Variants in WWOX observed in about 807,000 individuals in gnomAD.
WWOX encodes the protein WW domain containing oxidoreductase, also known as WW domain-containing oxidoreductase.
Under a neutral mutation model 46.2 loss-of-function variants are expected in WWOX, and 69 were observed. That is an observed-to-expected ratio of 1.49 (90% CI 1.23 to 1.82). The LOEUF (loss-of-function observed/expected upper bound fraction) is 1.82, where lower values mean the gene tolerates loss of function less well. WWOX is among the 40% of genes most tolerant of loss of function. The probability of loss-of-function intolerance (pLI) is 0.00; values close to 1 mark genes in which losing one functional copy is unlikely to be tolerated. For missense variants in WWOX, 919 were observed against 542.6 expected (o/e 1.69, Z -6.89); for synonymous variants, 359 against 202.6 (o/e 1.77, Z -6.56).
intron 8 of WWOX, among the ~76,000 whole-genome samples, chr16:78,788,465 T>C (rs2050511502): frequency 6.6e-6 from 1 of 152,258 alleles, no homozygotes; most frequent in East Asian, 1.9e-4. Flanking sequence ...CCTTATGCCC[T>C]GGGGAAAGGA....
At chr16:78,489,757 G>A (rs995463119) in intron 8 of WWOX, among the ~76,000 whole-genome samples, 1 of 152,120 alleles carries the variant, frequency 6.6e-6, no homozygotes, top group African/African-American at 2.4e-5. Flanking sequence ...CTCAAGGGGA[G>A]TTTGGAAACC....
chr16:78,819,260 G>C (rs545661592), intron 8 of WWOX, among the ~76,000 whole-genome samples: 9 of 152,254 alleles, frequency 5.9e-5, no homozygotes, highest in East Asian at 1.9e-4. Context: ...CAGCAGGTGG[G>C]ACTTGATTCT....
At chr16:78,747,143 G>A (rs1047653468) in intron 8 of WWOX, among the ~76,000 whole-genome samples, 15 of 150,150 alleles carry the variant, frequency 1.0e-4, no homozygotes, top group African/African-American at 2.4e-4. Context: ...TTTTGTACAT[G>A]TTGTTTCTTT....
At chr16:79,061,365 C>G (rs1161489754) in intron 8 of WWOX, among the ~76,000 whole-genome samples, 29 of 152,150 alleles carry the variant, frequency 1.9e-4, no homozygotes, top group Admixed American at 1.8e-3. Context: ...AAGGGCTTGG[C>G]AAACCAAGAA....
In WWOX at chr16:78,339,663, C is replaced by G. The variant is rs73576477; in HGVS notation, c.517-47197C>G. 9.2e-5 allele frequency among the ~76,000 whole-genome samples: 11 copies of G among 119,334 alleles called. 3 individuals carry two copies. Among genetic ancestry groups the G allele is most frequent in the African/African-American group, 3.1e-4 (11 of 35,336 alleles). 78.3% of individuals were successfully genotyped at this position (119,334 alleles called of 152,430 possible). ...GTGTATTTCAGGTTTCAAAATGTTT[C>G]TGTTCCATCCTCATTTTATTCATTG... is the stretch of plus-strand genomic sequence containing the variant. On this transcript the variant is annotated intron_variant, in intron 5 of 8. Transcript: ENST00000566780.
At chr16:78,516,248 C>G (rs1043327158) in intron 8 of WWOX, among the ~76,000 whole-genome samples, 3 of 152,086 alleles carry the variant, frequency 2.0e-5, no homozygotes, top group Non-Finnish European at 2.9e-5. Context: ...ACATCTATGC[C>G]AAATGCAGGG....
intron 8 of WWOX, among the ~76,000 whole-genome samples, chr16:78,760,294 T>C (rs976313190): frequency 8.5e-5 from 13 of 152,146 alleles, no homozygotes; most frequent in African/African-American, 2.9e-4. Flanking sequence ...GATTCAATTA[T>C]CTCCCACCAG....
intron 8 of WWOX, among the ~76,000 whole-genome samples, chr16:78,683,842 A>C (rs145396112): frequency 6.6e-6 from 1 of 152,178 alleles, no homozygotes; most frequent in Non-Finnish European, 1.5e-5. Context: ...TGAGTGTTTA[A>C]TTCGGCGTCT....
intron 7 of WWOX, among the ~76,000 whole-genome samples, chr16:78,426,185 C>T (rs1463450123): frequency 6.6e-6 from 1 of 152,146 alleles, no homozygotes; most frequent in Non-Finnish European, 1.5e-5. Flanking sequence ...TCTGGACAGC[C>T]TTATCTTTGC....
At chr16:78,556,801 C>A (rs1270934100) in intron 8 of WWOX, among the ~76,000 whole-genome samples, 1 of 151,958 alleles carries the variant, frequency 6.6e-6, no homozygotes, top group Non-Finnish European at 1.5e-5. Flanking sequence ...CTGCAAACTA[C>A]CCCCGCCCCC....
chr16:78,734,351 A>C (rs1218950190), intron 8 of WWOX, among the ~76,000 whole-genome samples: 1 of 152,140 alleles, frequency 6.6e-6, no homozygotes, highest in Non-Finnish European at 1.5e-5. Context: ...TGAATTTATC[A>C]TCAATATTTA....
At chr16:78,417,828 C>G (rs2082833568) in intron 6 of WWOX, among the ~76,000 whole-genome samples, 1 of 152,148 alleles carries the variant, frequency 6.6e-6, no homozygotes, top group Admixed American at 6.5e-5. Context: ...AGTGGGCACC[C>G]TATGTGGAAA....
At chr16:78,858,156 G>A (rs990039850) in intron 8 of WWOX, among the ~76,000 whole-genome samples, 27 of 151,710 alleles carry the variant, frequency 1.8e-4, no homozygotes, top group Non-Finnish European at 1.0e-4. Flanking sequence ...GTGTGTGTGT[G>A]TGTGTGTGTG....
chr16:79,055,655 G>A (rs1046556902), intron 8 of WWOX, among the ~76,000 whole-genome samples: 1 of 152,206 alleles, frequency 6.6e-6, no homozygotes, highest in Admixed American at 6.5e-5. Context: ...TATGTTTGGG[G>A]TTGTTTCCTA....
intron 8 of WWOX, among the ~76,000 whole-genome samples, chr16:78,809,995 A>T (rs371276425): frequency 3.9e-5 from 6 of 152,150 alleles, no homozygotes; most frequent in Admixed American, 3.3e-4. Flanking sequence ...ACCAATAGAA[A>T]CACCAAGAAC....
chr16:78,817,449 A>T (rs1275629448), intron 8 of WWOX, among the ~76,000 whole-genome samples: 1 of 152,170 alleles, frequency 6.6e-6, no homozygotes. Context: ...TAAAACTGAA[A>T]GATCTATCGG....
intron 8 of WWOX, among the ~76,000 whole-genome samples, chr16:78,489,575 A>T (rs964979222): frequency 6.6e-6 from 1 of 152,070 alleles, no homozygotes; most frequent in Admixed American, 6.6e-5. Context: ...ATGTTTGAGC[A>T]TTTAAACTGA....
At chr16:78,575,641 G>T (rs2044859949) in intron 8 of WWOX, among the ~76,000 whole-genome samples, 1 of 152,150 alleles carries the variant, frequency 6.6e-6, no homozygotes, top group African/African-American at 2.4e-5. Context: ...TGCCATTAGA[G>T]ACCATGATAC....
At chr16:78,818,748 C>G (rs1192300362) in intron 8 of WWOX, among the ~76,000 whole-genome samples, 2 of 152,194 alleles carry the variant, frequency 1.3e-5, no homozygotes, top group Non-Finnish European at 2.9e-5. Context: ...GCTTGCCAGT[C>G]AAGTCATTAA....
Sources: gnomAD v4.1 joint callset for allele counts (sites outside exome capture counted in the v4.1 genomes callset) on GRCh38, gnomAD v4.1.1 for gene constraint, MANE v1.5 for transcripts, NCBI Gene and HGNC (gene_info 2026-07-23, HGNC 2026-07-21) for gene names.